Variants in ZMYM4 observed in about 807,000 individuals in gnomAD.
The protein encoded by ZMYM4 is zinc finger MYM-type protein 4.
A neutral mutation model predicts 183.2 loss-of-function variants in ZMYM4; 31 were observed. That is an observed-to-expected ratio of 0.17 (90% confidence interval 0.13 to 0.23). The LOEUF (loss-of-function observed/expected upper bound fraction) is 0.23. Ranked by LOEUF, ZMYM4 falls within the 10% of genes least tolerant of loss-of-function variation. The probability of loss-of-function intolerance (pLI) is 1.00; values close to 1 mark genes in which losing one functional copy is unlikely to be tolerated. For missense variants in ZMYM4, 1,273 were observed against 1,840.3 expected (o/e 0.69, Z 5.64); for synonymous variants, 592 against 631.2 (o/e 0.94, Z 0.93).
chr1:35,408,735 C>CA (rs78241812), intron 26 of ZMYM4, among the ~76,000 whole-genome samples: 14 of 150,136 alleles, frequency 9.3e-5, no homozygotes, highest in African/African-American at 3.4e-4. Flanking sequence ...TGAGGAAAAA[C>CA]AAAAAAAAAG....
At chr1:35,380,968 G>T (rs554173091) in intron 7 of ZMYM4, among the ~76,000 whole-genome samples, 19 of 152,190 alleles carry the variant, frequency 1.2e-4, no homozygotes, top group African/African-American at 4.6e-4. Flanking sequence ...AATCCCTCCT[G>T]TAGAGATAAT....
intron 1 of ZMYM4, among the ~76,000 whole-genome samples, chr1:35,270,865 T>C (rs1320537461): frequency 6.6e-6 from 1 of 152,198 alleles, no homozygotes; most frequent in Non-Finnish European, 1.5e-5. Flanking sequence ...AGTCGTGTTA[T>C]TTTAATGCAT....
chr1:35,360,437 T>TAGCA (rs1427924917), intron 3 of ZMYM4, among the ~76,000 whole-genome samples: 1 of 152,078 alleles, frequency 6.6e-6, no homozygotes, highest in African/African-American at 2.4e-5. Context: ...CTAACAATGC[T>TAGCA]AGGAAATGTA....
chr1:35,337,494 G>A (rs938540300), intron 2 of ZMYM4, among the ~76,000 whole-genome samples: 1 of 152,048 alleles, frequency 6.6e-6, no homozygotes, highest in African/African-American at 2.4e-5. Context: ...AAATTAATAT[G>A]TATGCAATTC....
Position 35,399,462 on chromosome 1 carries a change from C to T in ZMYM4, c.3434-20C>T. Reference sequence around the variant, plus strand: ...TGTGAGTTATTTACCTCATGTTGTCCTTTCTGCTGATTATTATAGACTCCT... The same window carrying T: ...TGTGAGTTATTTACCTCATGTTGTCTTTTCTGCTGATTATTATAGACTCCT... On this transcript the variant is annotated intron_variant, in intron 22 of 29. Coordinates refer to ENST00000314607, the MANE Select transcript of ZMYM4 (RefSeq NM_005095.3). The T allele has an allele frequency of 6.2e-7, 1 of 1,608,908 alleles. No homozygotes were observed. The highest frequency in any genetic ancestry group is 1.1e-5 in the South Asian group (1 of 90,690).
chr1:35,340,777 C>T (rs1643171606), intron 2 of ZMYM4, among the ~76,000 whole-genome samples: 1 of 152,128 alleles, frequency 6.6e-6, no homozygotes, highest in Non-Finnish European at 1.5e-5. Flanking sequence ...ATGCTGACCT[C>T]CTGCTGTGAG....
chr1:35,352,384 G>GCA (rs1491267326), intron 2 of ZMYM4, among the ~76,000 whole-genome samples: 79 of 108,332 alleles, frequency 7.3e-4, no homozygotes, highest in African/African-American at 3.5e-3. Context: ...TTAAAAATTA[G>GCA]CGCACACACA....
chr1:35,364,305 G>A (rs1031388917), intron 5 of ZMYM4, among the ~76,000 whole-genome samples: 10 of 152,130 alleles, frequency 6.6e-5, no homozygotes, highest in African/African-American at 2.4e-4. Flanking sequence ...GGGACTTGTA[G>A]TATGTGAGTG....
chr1:35,352,303 A>AG, intron 2 of ZMYM4, among the ~76,000 whole-genome samples: 2 of 146,188 alleles, frequency 1.4e-5, no homozygotes, highest in East Asian at 2.0e-4. Context: ...ACACACACAC[A>AG]CACACAGCCA....
At chr1:35,272,337 C>A (rs1639649732) in intron 1 of ZMYM4, among the ~76,000 whole-genome samples, 1 of 152,178 alleles carries the variant, frequency 6.6e-6, no homozygotes, top group African/African-American at 2.4e-5. Context: ...AGCACCTGTG[C>A]TATTTCATAA....
At chr1:35,373,683 G>C (rs868741729) in intron 7 of ZMYM4, among the ~76,000 whole-genome samples, 2 of 150,596 alleles carry the variant, frequency 1.3e-5, no homozygotes, top group African/African-American at 2.4e-5. Flanking sequence ...GTGAGCCACC[G>C]CGCCCGGCCC....
At chr1:35,373,826 C>T (rs896149372) in intron 7 of ZMYM4, among the ~76,000 whole-genome samples, 2 of 151,860 alleles carry the variant, frequency 1.3e-5, no homozygotes, top group Non-Finnish European at 1.5e-5. Flanking sequence ...TGTGAGCCAC[C>T]GCGCCCAGCC....
intron 7 of ZMYM4, among the ~76,000 whole-genome samples, chr1:35,375,837 A>G (rs1644322933): frequency 6.6e-6 from 1 of 152,214 alleles, no homozygotes; most frequent in South Asian, 2.1e-4. Context: ...GCACTTTAGG[A>G]AGCCAACATT....
chr1:35,409,672 T>C (rs1639792350), intron 26 of ZMYM4, among the ~76,000 whole-genome samples: 1 of 152,012 alleles, frequency 6.6e-6, no homozygotes, highest in Admixed American at 6.6e-5. Context: ...CTGGGTGCGG[T>C]GGCTCACACC....
rs992582772 is a variant in ZMYM4, at chr1:35,385,381, G to A, written c.1570-61G>A. 7 of 1,522,694 alleles carry A rather than the reference G, an allele frequency of 4.6e-6. No homozygotes were observed. The African/African-American group carries it at 5.6e-5, about 12-fold the overall frequency. The allele number at this position is 1,522,694 out of a possible 1,614,324, so 94.3% of individuals were successfully genotyped here. A position where few individuals can be genotyped will look rare whatever the true frequency, so the allele number is the denominator to read the frequency against. ...CAAAAGTGTTGAGTATAAACATTTC[G>A]AAGAATTATGCTTTTACTAGGAATT... On this transcript the variant is annotated intron_variant, in intron 9 of 29. Coordinates refer to ENST00000314607, the MANE Select transcript of ZMYM4 (RefSeq NM_005095.3).
At chr1:35,405,768 TG>T (rs200667112) in intron 25 of ZMYM4, among the ~76,000 whole-genome samples, 9,885 of 45,520 alleles carry the variant, frequency 0.22, 392 homozygotes, top group Middle Eastern at 0.37. Context: ...GTTTTTTTTT[TG>T]TTTTTTTTTT....
At chr1:35,324,562 TTG>T (rs1174889003) in intron 1 of ZMYM4, among the ~76,000 whole-genome samples, 1 of 152,236 alleles carries the variant, frequency 6.6e-6, no homozygotes, top group Non-Finnish European at 1.5e-5. Flanking sequence ...TAGCTAGCTG[TTG>T]TGTTTCCTCT....
intron 15 of ZMYM4, among the ~76,000 whole-genome samples, chr1:35,390,668 T>TG (rs1644685215): frequency 1.3e-5 from 2 of 152,208 alleles, no homozygotes; most frequent in Non-Finnish European, 2.9e-5. Context: ...CCTGACACCT[T>TG]AGATTAAAGC....
At chr1:35,284,961 G>A (rs1640400269) in intron 1 of ZMYM4, among the ~76,000 whole-genome samples, 1 of 152,052 alleles carries the variant, frequency 6.6e-6, no homozygotes, top group African/African-American at 2.4e-5. Flanking sequence ...TGGGGAGGAG[G>A]GATACAAACA....
Sources: allele counts gnomAD v4.1 joint callset (sites outside exome capture counted in the v4.1 genomes callset), GRCh38; gene constraint gnomAD v4.1.1; transcripts MANE v1.5; gene names NCBI Gene and HGNC (gene_info 2026-07-23, HGNC 2026-07-21).